Variants in TRIO observed in about 807,000 individuals in gnomAD.
The protein encoded by TRIO is triple functional domain protein.
TRIO carries 58 observed loss-of-function variants against 351.9 expected under a neutral mutation model. That is an observed-to-expected ratio of 0.16 (90% confidence interval 0.13 to 0.21). The LOEUF (loss-of-function observed/expected upper bound fraction) is 0.21. Among genes scored for constraint, TRIO ranks in the 10% least tolerant of loss-of-function variants. The probability of loss-of-function intolerance (pLI) is 1.00; values close to 1 mark genes in which losing one functional copy is unlikely to be tolerated. For synonymous variants in TRIO, 1,758 were observed against 1,595.7 expected (o/e 1.10, Z -2.42); for missense variants, 3,201 against 4,027.8 (o/e 0.79, Z 5.56).
chr5:14,394,678 C>T (rs1252267057), intron 28 of TRIO, among the ~76,000 whole-genome samples: 1 of 152,158 alleles, frequency 6.6e-6, no homozygotes, highest in Non-Finnish European at 1.5e-5. Flanking sequence ...TCGCGGCACA[C>T]CTTGTCCATA....
chr5:14,357,239 GC>G (rs1743699566), intron 11 of TRIO, among the ~76,000 whole-genome samples: 1 of 152,188 alleles, frequency 6.6e-6, no homozygotes, highest in African/African-American at 2.4e-5. Context: ...GTCCCGACTT[GC>G]CCCATCTCAC....
At chr5:14,416,854 C>T (rs1025318133) in intron 33 of TRIO, among the ~76,000 whole-genome samples, 4 of 152,170 alleles carry the variant, frequency 2.6e-5, no homozygotes, top group East Asian at 1.9e-4. Context: ...CACTTCCCAG[C>T]GTCTGGGAGT....
chr5:14,403,110 TGTGAGGGTGCAGGTTGTG>T (rs1177480234), intron 31 of TRIO, among the ~76,000 whole-genome samples: 4 of 109,114 alleles, frequency 3.7e-5, no homozygotes, highest in Admixed American at 2.8e-4. Context: ...GGGCATAGGT[TGTGAGGGTGCAGGTTGTG>T]GTGAGGGTGC....
chr5:14,309,093 C>T (rs371537208), intron 8 of TRIO, among the ~76,000 whole-genome samples: 25 of 96 alleles, frequency 0.26, no homozygotes, highest in Non-Finnish European at 0.33. Context: ...CCCATCCACA[C>T]ATTATCTACA....
At chr5:14,480,116 G>A in intron 43 of TRIO, 105 bp downstream of exon 43, 1 of 991,170 alleles carries the variant, frequency 1.0e-6, no homozygotes, top group Admixed American at 2.1e-5. Context: ...AATCATCTGT[G>A]TAACAGGTAT....
In TRIO at chr5:14,504,545, T is replaced by C; in HGVS notation, c.8564T>C (p.Leu2855Pro). 6.2e-7 allele frequency: 1 copy of C among 1,614,092 alleles called. No homozygotes were observed. The highest frequency in any genetic ancestry group is 8.5e-7 in the Non-Finnish European group (1 of 1,180,016). ...CTCCAGCACCCCCTGCTTGTCGGCC[T>C]CCTCGACACCTTTGAGACCCCCACC... is the stretch of plus-strand genomic sequence containing the variant. ...QSLQHPLLVG[L>P]LDTFETPTSY... The change falls in exon 55 of 57, where the codon CTC (leucine) becomes CCC (proline). Residue 2855 changes from leucine (L) to proline (P), a missense_variant. By Grantham distance (98) the Leu-to-Pro change is moderately conservative. Transcript: ENST00000344204.
chr5:14,505,719 G>C (rs1445662084), intron 55 of TRIO, among the ~76,000 whole-genome samples: 2 of 152,212 alleles, frequency 1.3e-5, no homozygotes, highest in Non-Finnish European at 2.9e-5. Context: ...CAGCTTCCTC[G>C]GGCCGCCCAT....
chr5:14,244,151 T>C (rs985737861), intron 1 of TRIO, among the ~76,000 whole-genome samples: 1 of 152,252 alleles, frequency 6.6e-6, no homozygotes, highest in East Asian at 1.9e-4. Context: ...ATTGATCTTT[T>C]AGGTTCATGA....
At chr5:14,463,935 T>A (rs915320319) in intron 36 of TRIO, among the ~76,000 whole-genome samples, 2 of 152,108 alleles carry the variant, frequency 1.3e-5, no homozygotes, top group Non-Finnish European at 2.9e-5. Context: ...GGAAAGCTAC[T>A]CCCTCCTCCC....
chr5:14,368,341 T>C (rs1011240764), intron 16 of TRIO, among the ~76,000 whole-genome samples: 13 of 152,200 alleles, frequency 8.5e-5, no homozygotes, highest in African/African-American at 3.1e-4. Context: ...GTTCATTTGC[T>C]TCCAGCAGCT....
intron 31 of TRIO, among the ~76,000 whole-genome samples, chr5:14,404,501 C>T (rs1038372091): frequency 6.6e-6 from 1 of 152,192 alleles, no homozygotes; most frequent in Non-Finnish European, 1.5e-5. Flanking sequence ...CAGTTTTCCT[C>T]AGTTGTTTCC....
chr5:14,321,798 G>T (rs1214893361), intron 9 of TRIO, among the ~76,000 whole-genome samples: 3 of 152,136 alleles, frequency 2.0e-5, no homozygotes, highest in African/African-American at 7.2e-5. Flanking sequence ...GTGGGGGTGG[G>T]TCTTCCCTGT....
At chr5:14,339,650 A>G (rs961763688) in intron 11 of TRIO, among the ~76,000 whole-genome samples, 2 of 152,214 alleles carry the variant, frequency 1.3e-5, no homozygotes, top group African/African-American at 4.8e-5. Context: ...GGGAGGGCAT[A>G]GCAGGACACA....
At chr5:14,483,327 A>C (rs1755670937) in intron 46 of TRIO, among the ~76,000 whole-genome samples, 1 of 152,210 alleles carries the variant, frequency 6.6e-6, no homozygotes, top group South Asian at 2.1e-4. Context: ...AGGGTGAGGT[A>C]GAGAAGAGCA....
intron 11 of TRIO, among the ~76,000 whole-genome samples, chr5:14,348,074 C>T (rs564674683): frequency 2.0e-5 from 3 of 152,292 alleles, no homozygotes; most frequent in Middle Eastern, 3.4e-3. Context: ...CAAGGGAGGC[C>T]GTCGTCTTGC....
At chr5:14,333,323 G>A (rs1231882626) in intron 10 of TRIO, among the ~76,000 whole-genome samples, 1 of 152,148 alleles carries the variant, frequency 6.6e-6, no homozygotes. Flanking sequence ...TCTATCCTGT[G>A]GACACATGTT....
intron 49 of TRIO, 46 bp from the exon 50 acceptor site, chr5:14,496,833 G>A (rs1032329002): frequency 6.2e-7 from 1 of 1,600,926 alleles, no homozygotes; most frequent in African/African-American, 1.3e-5. Flanking sequence ...AGCACTTGGT[G>A]AATGTTGGAA....
At chr5:14,423,243 A>C (rs1308801549) in intron 34 of TRIO, among the ~76,000 whole-genome samples, 2 of 152,168 alleles carry the variant, frequency 1.3e-5, no homozygotes, top group Non-Finnish European at 2.9e-5. Flanking sequence ...CTAGGCCTGG[A>C]GGCTGTGTCT....
Position 14,366,846 on chromosome 5 carries a change from G to C in TRIO, c.2755-14G>C, listed in dbSNP as rs754411402. On this transcript the variant is annotated splice_polypyrimidine_tract_variant and intron_variant, in intron 15 of 56. Coordinates refer to ENST00000344204, the MANE Select transcript of TRIO (RefSeq NM_007118.4). ...GAAGTCCACTGCTTGGAGTTATCCT[G>C]TGTAATGTTTCAGGTGCTGGGTTGG... 1.5e-5 allele frequency: 25 copies of C among 1,614,150 alleles called. No individual in the cohort carries two copies. Among genetic ancestry groups the C allele is most frequent in the Non-Finnish European group, 2.0e-5 (24 of 1,180,004 alleles).
Sources: allele counts gnomAD v4.1 joint callset (sites outside exome capture counted in the v4.1 genomes callset), GRCh38; gene constraint gnomAD v4.1.1; transcripts MANE v1.5; gene names NCBI Gene and HGNC (gene_info 2026-07-23, HGNC 2026-07-21).